MEGF11: variants seen among roughly 807,000 people sequenced by gnomAD.
The protein encoded by MEGF11 is multiple EGF like domains 11.
MEGF11 carries 126 observed loss-of-function variants against 146.6 expected under a neutral mutation model. The observed-to-expected ratio is 0.86, with a 90% CI of 0.74 to 1.00. The LOEUF (loss-of-function observed/expected upper bound fraction) is 1.00. MEGF11 is among the 50% of genes least tolerant of loss of function. The pLI is 0.00. For missense variants in MEGF11, 1,509 were observed against 1,521.2 expected (o/e 0.99, Z 0.13); for synonymous variants, 532 against 583.4 (o/e 0.91, Z 1.27).
At chr15:65,978,768 T>G (rs2081535021) in intron 7 of MEGF11, among the ~76,000 whole-genome samples, 1 of 149,446 alleles carries the variant, frequency 6.7e-6, no homozygotes, top group South Asian at 2.1e-4. Flanking sequence ...CGGTCCCTTT[T>G]TCTTCCTCAG....
At chr15:66,016,917 C>T (rs2082908130) in intron 5 of MEGF11, among the ~76,000 whole-genome samples, 1 of 152,152 alleles carries the variant, frequency 6.6e-6, no homozygotes, top group African/African-American at 2.4e-5. Flanking sequence ...GACTGATTTC[C>T]CTTCTCCTCT....
chr15:66,025,390 A>G (rs2083293558), intron 5 of MEGF11, among the ~76,000 whole-genome samples: 1 of 151,972 alleles, frequency 6.6e-6, no homozygotes, highest in African/African-American at 2.4e-5. Context: ...AGCCTGAGGC[A>G]GGGAGGAGGG....
At chr15:65,923,092 G>A (rs2079234441) in intron 13 of MEGF11, 123 bp from the exon 14 acceptor site, 1 of 1,076,920 alleles carries the variant, frequency 9.3e-7, no homozygotes, top group Non-Finnish European at 1.3e-6. Context: ...CAGGAATGTA[G>A]AGGAGAAACC....
At chr15:66,080,891 C>T (rs1272652431) in intron 5 of MEGF11, among the ~76,000 whole-genome samples, 4 of 152,188 alleles carry the variant, frequency 2.6e-5, no homozygotes, top group East Asian at 1.9e-4. Flanking sequence ...GGCGGGTCTG[C>T]GAAGGGCCGC....
At chr15:66,216,386 G>A (rs1219593886) in intron 1 of MEGF11, among the ~76,000 whole-genome samples, 7 of 152,312 alleles carry the variant, frequency 4.6e-5, no homozygotes, top group African/African-American at 9.6e-5. Flanking sequence ...GCACAGAACC[G>A]CAGAAGGGTC....
chr15:66,202,440 C>T (rs1295259117), intron 1 of MEGF11, among the ~76,000 whole-genome samples: 10 of 152,198 alleles, frequency 6.6e-5, no homozygotes, highest in Non-Finnish European at 1.5e-4. Context: ...AACAGCCACT[C>T]AGGCAGAATG....
intron 5 of MEGF11, among the ~76,000 whole-genome samples, chr15:66,043,778 G>C (rs527754190): frequency 8.5e-5 from 13 of 152,302 alleles, no homozygotes; most frequent in African/African-American, 3.1e-4. Flanking sequence ...ACTGAGCACT[G>C]GGGAATTGAA....
intron 1 of MEGF11, among the ~76,000 whole-genome samples, chr15:66,159,717 G>A (rs1488310336): frequency 6.6e-6 from 1 of 152,170 alleles, no homozygotes; most frequent in Non-Finnish European, 1.5e-5. Flanking sequence ...TGATCTTGGT[G>A]CAGTGGTACC....
chr15:65,940,683 G>GA, intron 10 of MEGF11, among the ~76,000 whole-genome samples: 2 of 152,348 alleles, frequency 1.3e-5, no homozygotes, highest in Admixed American at 1.3e-4. Flanking sequence ...GAGAGACTTG[G>GA]AGGCCACTTG....
At chr15:66,041,168 G>C (rs900042902) in intron 5 of MEGF11, among the ~76,000 whole-genome samples, 2 of 152,210 alleles carry the variant, frequency 1.3e-5, no homozygotes, top group African/African-American at 4.8e-5. Flanking sequence ...TTTGAAAATT[G>C]GGGCAGGAAC....
At chr15:66,166,402 ACC>A (rs1567269819) in intron 1 of MEGF11, among the ~76,000 whole-genome samples, 3 of 151,780 alleles carry the variant, frequency 2.0e-5, no homozygotes, top group African/African-American at 7.3e-5. Context: ...CCCCAGGAGC[ACC>A]CCCACTGGCC....
At chr15:65,939,020 T>C (rs2079885472) in intron 10 of MEGF11, among the ~76,000 whole-genome samples, 1 of 152,180 alleles carries the variant, frequency 6.6e-6, no homozygotes, top group African/African-American at 2.4e-5. Context: ...TTTGGACTAA[T>C]TGGAGGAGGA....
At chr15:66,013,244 T>A (rs1460936098) in intron 5 of MEGF11, among the ~76,000 whole-genome samples, 1 of 152,194 alleles carries the variant, frequency 6.6e-6, no homozygotes, top group Non-Finnish European at 1.5e-5. Flanking sequence ...GGGAAGCATG[T>A]CAGTACCCAA....
intron 1 of MEGF11, among the ~76,000 whole-genome samples, chr15:66,166,023 G>A (rs916610819): frequency 1.3e-4 from 20 of 152,156 alleles, no homozygotes; most frequent in Non-Finnish European, 2.8e-4. Flanking sequence ...CTCCCTGGGT[G>A]ATCTCATCCA....
At chr15:66,043,594 G>T (rs2084079046) in intron 5 of MEGF11, among the ~76,000 whole-genome samples, 1 of 152,232 alleles carries the variant, frequency 6.6e-6, no homozygotes, top group Non-Finnish European at 1.5e-5. Flanking sequence ...ACAACAGAAA[G>T]GTTTTCACAC....
Position 66,083,891 on chromosome 15 carries a change from G to A in MEGF11, c.394+10511C>T, listed in dbSNP as rs932813461. Among the ~76,000 whole-genome samples the A allele has an allele frequency of 3.3e-5, 5 of 152,236 alleles. No individual in the cohort carries two copies. In the East Asian group the frequency reaches 5.8e-4, roughly 18 times the overall value. ...ATGATTGTGCCACTGCCCTCCAGTC[G>A]GGTGACAAAGTGAGTTCTTATCTCT... is the stretch of plus-strand genomic sequence containing the variant. On this transcript the variant is annotated intron_variant, in intron 5 of 25. Coordinates refer to ENST00000395614, the MANE Select transcript of MEGF11 (RefSeq NM_001385028.1).
rs1332600734 is a variant in MEGF11 at position 66,004,603 on chromosome 15, T to C, written c.395-22115A>G. Reference sequence around the variant, plus strand: ...CAACAGCCACCATTCCCTGACTTCCTGCACTTACGGAGATGCTGTCTCTAA... The same window carrying C: ...CAACAGCCACCATTCCCTGACTTCCCGCACTTACGGAGATGCTGTCTCTAA... On this transcript the variant is annotated intron_variant, in intron 5 of 25. Coordinates refer to ENST00000395614, the MANE Select transcript of MEGF11 (RefSeq NM_001385028.1). Among the ~76,000 whole-genome samples, 4 of 152,190 alleles carry C rather than the reference T, an allele frequency of 2.6e-5. 1 individual carries two copies. Among genetic ancestry groups the C allele is most frequent in the Admixed American group, 2.6e-4 (4 of 15,284 alleles).
intron 10 of MEGF11, among the ~76,000 whole-genome samples, chr15:65,951,888 GCT>G (rs1459426959): frequency 2.6e-5 from 4 of 151,856 alleles, no homozygotes; most frequent in Admixed American, 2.6e-4. Context: ...TGTATTCTCA[GCT>G]GCTCAGGAGT....
intron 23 of MEGF11, among the ~76,000 whole-genome samples, chr15:65,907,925 C>T (rs529650238): frequency 2.6e-5 from 4 of 152,232 alleles, no homozygotes; most frequent in Non-Finnish European, 5.9e-5. Flanking sequence ...GCTCTGGCTA[C>T]GCTAGTTGAA....
Sources: allele counts gnomAD v4.1 joint callset (sites outside exome capture counted in the v4.1 genomes callset), GRCh38; gene constraint gnomAD v4.1.1; transcripts MANE v1.5; gene names NCBI Gene and HGNC (gene_info 2026-07-23, HGNC 2026-07-21).